MAPK8: variants seen among roughly 807,000 people sequenced by gnomAD.
MAPK8 encodes mitogen-activated protein kinase 8.
A neutral mutation model predicts 52.9 loss-of-function variants in MAPK8; 13 were observed. The ratio of observed to expected loss-of-function variants is 0.25; its 90% CI spans 0.16 to 0.39. The LOEUF (loss-of-function observed/expected upper bound fraction) is 0.39. Ranked by LOEUF, MAPK8 falls within the 10% of genes least tolerant of loss-of-function variation. The pLI is 1.00. For synonymous variants in MAPK8, 191 were observed against 169.8 expected (o/e 1.12, Z -0.97); for missense variants, 300 against 519.2 (o/e 0.58, Z 4.10).
At chr10:48,338,469 C>T (rs1207567553) in intron 1 of MAPK8, among the ~76,000 whole-genome samples, 1 of 152,150 alleles carries the variant, frequency 6.6e-6, no homozygotes, top group African/African-American at 2.4e-5. Flanking sequence ...CCACAGCCAA[C>T]ATCATCCTGA....
At chr10:48,331,370 G>A (rs1284469994) in intron 1 of MAPK8, among the ~76,000 whole-genome samples, 1 of 152,164 alleles carries the variant, frequency 6.6e-6, no homozygotes, top group Non-Finnish European at 1.5e-5. Context: ...TCTGCTTTTT[G>A]TATAGTAGCC....
chr10:48,430,493 A>G (rs1038939004), intron 10 of MAPK8: 4 of 152,294 alleles, frequency 2.6e-5, no homozygotes, highest in Non-Finnish European at 4.4e-5. Context: ...ATAAGACAGG[A>G]GGCGCATATA....
At chr10:48,330,851 G>A (rs1438532323) in intron 1 of MAPK8, among the ~76,000 whole-genome samples, 1 of 151,920 alleles carries the variant, frequency 6.6e-6, no homozygotes, top group Non-Finnish European at 1.5e-5. Flanking sequence ...CCCTTTTATG[G>A]GCTGACCCCT....
chr10:48,360,297 G>C (rs1445445727), intron 1 of MAPK8, among the ~76,000 whole-genome samples: 1 of 152,212 alleles, frequency 6.6e-6, no homozygotes, highest in Non-Finnish European at 1.5e-5. Flanking sequence ...GAGAAGTGCA[G>C]ACTAAAACCA....
chr10:48,376,413 C>A (rs1445590277), intron 1 of MAPK8, among the ~76,000 whole-genome samples: 1 of 152,118 alleles, frequency 6.6e-6, no homozygotes, highest in Non-Finnish European at 1.5e-5. Context: ...AGTTTCTGCA[C>A]AGCAAAAGAA....
chr10:48,346,818 T>C (rs143097672), intron 1 of MAPK8, among the ~76,000 whole-genome samples: 76 of 152,262 alleles, frequency 5.0e-4, no homozygotes, highest in African/African-American at 1.8e-3. Flanking sequence ...GCTGTCTTTC[T>C]CTGTCTCCTC....
chr10:48,407,233 A>C (rs905562265), intron 3 of MAPK8, among the ~76,000 whole-genome samples: 2 of 152,352 alleles, frequency 1.3e-5, no homozygotes, highest in African/African-American at 4.8e-5. Flanking sequence ...ACTTTTGAGC[A>C]TATTGCAGAA....
intron 6 of MAPK8, among the ~76,000 whole-genome samples, chr10:48,420,972 ACT>A (rs1460208188): frequency 6.6e-6 from 1 of 152,220 alleles, no homozygotes; most frequent in East Asian, 1.9e-4. Flanking sequence ...GCATATACCT[ACT>A]TATATTTAAT....
rs549200795 is a variant in MAPK8 at position 48,373,862 on chromosome 10, A to G, written c.-49-27750A>G. Among the ~76,000 whole-genome samples, 3 of 152,256 alleles carry G rather than the reference A, an allele frequency of 2.0e-5. No individual in the cohort carries two copies. The East Asian group carries it at 5.8e-4, about 29-fold the overall frequency. ...AACGAGACAGAAAATTAACAACGAT[A>G]TCCAGGAGTTGAACTCAGCTCTGGA... On this transcript the variant is annotated intron_variant, in intron 1 of 11. Coordinates refer to ENST00000374189, the MANE Select transcript of MAPK8 (RefSeq NM_001323329.2).
At position 48,408,613 on chromosome 10, in the gene MAPK8, C is replaced by T. The variant is rs182726648; in HGVS notation, c.253-1266C>T. Among the ~76,000 whole-genome samples, 58 of 152,224 alleles carry T rather than the reference C, an allele frequency of 3.8e-4. 2 individuals are homozygous for T. In the East Asian group the frequency reaches 9.3e-3, roughly 24 times the overall value. On this transcript the variant is annotated intron_variant, in intron 3 of 11. Coordinates refer to ENST00000374189, the MANE Select transcript of MAPK8 (RefSeq NM_001323329.2). Reference sequence around the variant, plus strand: ...GGGAGTTTCAGAATATATTTGTTGGCTTTAAATTTTTGAGGAGGTAAGTAA... The same window carrying T: ...GGGAGTTTCAGAATATATTTGTTGGTTTTAAATTTTTGAGGAGGTAAGTAA...
intron 1 of MAPK8, among the ~76,000 whole-genome samples, chr10:48,385,965 T>TA (rs895053657): frequency 5.3e-5 from 8 of 151,488 alleles, no homozygotes; most frequent in East Asian, 3.9e-4. Flanking sequence ...TACCTAGCGT[T>TA]AAAAAAAAAT....
chr10:48,431,303 A>T (rs1201064953), intron 11 of MAPK8, 33 bp downstream of exon 11: 2 of 1,443,082 alleles, frequency 1.4e-6, no homozygotes, highest in East Asian at 2.3e-5. Flanking sequence ...TTAAGATTAC[A>T]GTTTACTTCT....
In MAPK8 at chr10:48,427,160, C is replaced by T. The variant is rs748556201; in HGVS notation, c.1060+17C>T. ...AGTGGAAAGGTACATTCGTCAGATT[C>T]TTAGAGGGAAAACTGTGAAGGAGCT... On this transcript the variant is annotated intron_variant, in intron 10 of 11. Transcript: ENST00000374189. 1.9e-6 allele frequency: 3 copies of T among 1,595,276 alleles called. No individual in the cohort carries two copies. The East Asian group carries it at 6.7e-5, about 36-fold the overall frequency.
At position 48,437,424 on chromosome 10, in the gene MAPK8, T is replaced by C. The variant is rs2044939214; in HGVS notation, c.*2395T>C. On this transcript the variant is annotated 3_prime_UTR_variant, in exon 12 of 12. Coordinates refer to ENST00000374189, the MANE Select transcript of MAPK8 (RefSeq NM_001323329.2). ...TACTTGTATGAAACCACCTTTCTTA[T>C]TCTATAATTTTGATTTTTCAATTTT... 1 of 152,114 alleles carries C rather than the reference T, an allele frequency of 6.6e-6. No individual in the cohort carries two copies. Among genetic ancestry groups the C allele is most frequent in the Non-Finnish European group, 1.5e-5 (1 of 68,016 alleles). The allele number at this position is 152,114 out of a possible 1,614,324, so 9.4% of individuals were successfully genotyped here.
At position 48,424,118 on chromosome 10, in the gene MAPK8, G is replaced by A. The variant is rs1262446655; in HGVS notation, c.647G>A (p.Gly216Glu). ...VDLWSVGCIM[G>E]EMVCHKILFP... ...TTATGGTCTGTGGGGTGCATTATGG[G>A]AGAAATGGTTTGCCACAAAATCCTC... The change falls in exon 7 of 12, where the codon GGA becomes GAA. Residue 216 changes from glycine (G) to glutamate (E), a missense_variant. Gly to Glu is a moderately conservative substitution (Grantham distance 98). Around this residue, in one of 3 missense-constraint regions of MAPK8, gnomAD observed 147 missense variants for 328.1 expected, o/e 0.45. Coordinates refer to ENST00000374189, the MANE Select transcript of MAPK8 (RefSeq NM_001323329.2). 6.2e-7 allele frequency: 1 copy of A among 1,613,590 alleles called. No homozygotes were observed. Among genetic ancestry groups the A allele is most frequent in the Non-Finnish European group, 8.5e-7 (1 of 1,179,594 alleles).
At chr10:48,339,948 G>T (rs1455070980) in intron 1 of MAPK8, among the ~76,000 whole-genome samples, 1 of 152,144 alleles carries the variant, frequency 6.6e-6, no homozygotes, top group African/African-American at 2.4e-5. Flanking sequence ...ACACGCTGTT[G>T]GTGGGAATGT....
chr10:48,390,713 G>C (rs995377143), intron 1 of MAPK8, among the ~76,000 whole-genome samples: 1 of 152,188 alleles, frequency 6.6e-6, no homozygotes, highest in Admixed American at 6.5e-5. Context: ...TAAACCTTGA[G>C]TCATAAAAAC....
intron 6 of MAPK8, among the ~76,000 whole-genome samples, chr10:48,421,010 A>T (rs191559913): frequency 1.8e-3 from 271 of 152,374 alleles, no homozygotes; most frequent in African/African-American, 6.1e-3. Flanking sequence ...GTTGAGTCTT[A>T]GAAATTTAGG....
chr10:48,403,198 G>A (rs1027787358), intron 2 of MAPK8, among the ~76,000 whole-genome samples: 2 of 152,116 alleles, frequency 1.3e-5, no homozygotes, highest in African/African-American at 4.8e-5. Context: ...GGTGGCTCAC[G>A]CCTATAATCC....
Sources: allele counts gnomAD v4.1 joint callset (sites outside exome capture counted in the v4.1 genomes callset), GRCh38; gene constraint gnomAD v4.1.1; regional missense constraint gnomAD v4.1.1; transcripts MANE v1.5; gene names NCBI Gene and HGNC (gene_info 2026-07-23, HGNC 2026-07-21).